PDE8B: variants seen among roughly 807,000 people sequenced by gnomAD.
PDE8B encodes phosphodiesterase 8B, also known as high affinity cAMP-specific and IBMX-insensitive 3',5'-cyclic phosphodiesterase 8B.
PDE8B carries 26 observed loss-of-function variants against 101.3 expected under a neutral mutation model. That is an observed-to-expected ratio of 0.26 (90% CI 0.19 to 0.36). PDE8B has a LOEUF of 0.36. Among genes scored for constraint, PDE8B ranks in the 10% least tolerant of loss-of-function variants. PDE8B has a pLI of 1.00. For synonymous variants in PDE8B, 424 were observed against 429.3 expected (o/e 0.99, Z 0.15); for missense variants, 810 against 1,163.1 (o/e 0.70, Z 4.42).
intron 10 of PDE8B, among the ~76,000 whole-genome samples, chr5:77,378,844 G>T (rs1434737375): frequency 6.6e-6 from 1 of 152,174 alleles, no homozygotes; most frequent in East Asian, 1.9e-4. Context: ...AGCCCTTCAG[G>T]TGATTTTGAT....
chr5:77,095,366 G>A, the PDE8B span, among the ~76,000 whole-genome samples: 3 of 152,156 alleles, frequency 2.0e-5, no homozygotes, highest in African/African-American at 7.2e-5. Flanking sequence ...CCATTGTTCC[G>A]ATTGTGCTTT....
the PDE8B span, among the ~76,000 whole-genome samples, chr5:77,174,337 C>G: frequency 6.6e-6 from 1 of 152,172 alleles, no homozygotes; most frequent in Non-Finnish European, 1.5e-5. Flanking sequence ...GTCACCCACT[C>G]ACATCCATGT....
intron 2 of PDE8B, among the ~76,000 whole-genome samples, chr5:77,320,629 C>T (rs1484984349): frequency 1.3e-5 from 2 of 152,024 alleles, no homozygotes; most frequent in Non-Finnish European, 2.9e-5. Context: ...TCTTTTTATT[C>T]CCAGTTCTTA....
chr5:77,295,734 C>G (rs183142), intron 1 of PDE8B, among the ~76,000 whole-genome samples: 120,947 of 152,134 alleles, frequency 0.8, 48,954 homozygotes, highest in African/African-American at 0.95. Flanking sequence ...GAGAAAAAAG[C>G]CAATTAATTG....
chr5:77,334,309 C>A (rs868384342), intron 5 of PDE8B, among the ~76,000 whole-genome samples: 1 of 152,166 alleles, frequency 6.6e-6, no homozygotes, highest in Non-Finnish European at 1.5e-5. Context: ...ATCACATATC[C>A]CACAACAACT....
the PDE8B span, among the ~76,000 whole-genome samples, chr5:77,127,607 T>A: frequency 6.6e-6 from 1 of 152,136 alleles, no homozygotes; most frequent in Non-Finnish European, 1.5e-5. Context: ...TTTCCCCACC[T>A]GCTTGAGCCA....
chr5:77,095,080 C>A, the PDE8B span, among the ~76,000 whole-genome samples: 9 of 152,234 alleles, frequency 5.9e-5, no homozygotes, highest in South Asian at 1.9e-3. Flanking sequence ...ATGAAACTCT[C>A]AAAAAATTGC....
At chr5:77,300,383 A>G (rs2150030522) in intron 1 of PDE8B, among the ~76,000 whole-genome samples, 1 of 152,182 alleles carries the variant, frequency 6.6e-6, no homozygotes, top group Middle Eastern at 3.4e-3. Context: ...TGCTTTGGGC[A>G]TTTTCTGTTT....
chr5:77,176,226 C>CA, the PDE8B span, among the ~76,000 whole-genome samples: 1,714 of 152,272 alleles, frequency 0.011, 32 homozygotes, highest in South Asian at 0.038. Context: ...AACAACTAGA[C>CA]ACGCAGCACC....
the PDE8B span, among the ~76,000 whole-genome samples, chr5:77,173,779 T>G: frequency 1.3e-5 from 2 of 151,990 alleles, no homozygotes; most frequent in African/African-American, 4.8e-5. Flanking sequence ...CTTCTAGCTC[T>G]AGAAAGTGTA....
chr5:77,305,441 C>T (rs1381469296), intron 1 of PDE8B, among the ~76,000 whole-genome samples: 1 of 152,078 alleles, frequency 6.6e-6, no homozygotes, highest in African/African-American at 2.4e-5. Flanking sequence ...GTGAGGGCAG[C>T]GCCAGCCAGC....
At chr5:77,207,510 T>C (rs2149357259), upstream of PDE8B, among the ~76,000 whole-genome samples, 1 of 152,322 alleles carries the variant, frequency 6.6e-6, no homozygotes, top group South Asian at 2.1e-4. Context: ...TATTTTCTGT[T>C]GCTAAATTTT....
rs560240568 is a variant in PDE8B, at chr5:77,280,195, C to T, written c.340-31799C>T. Among the ~76,000 whole-genome samples the T allele has an allele frequency of 6.6e-5, 10 of 152,248 alleles. No homozygotes were observed. The East Asian group carries it at 1.9e-3, about 29-fold the overall frequency. ...GATCATTCCCAAGGTCATGAGAGTG[C>T]AGGGGATTGGGTGCCAACCAGGACA... On this transcript the variant is annotated intron_variant, in intron 1 of 21. Coordinates refer to ENST00000264917, the MANE Select transcript of PDE8B (RefSeq NM_003719.5).
chr5:77,389,411 C>A (rs963990038), intron 10 of PDE8B, among the ~76,000 whole-genome samples: 2 of 152,186 alleles, frequency 1.3e-5, no homozygotes, highest in Non-Finnish European at 2.9e-5. Flanking sequence ...CACTGCCCAA[C>A]CAGTCCCAAT....
chr5:77,237,010 AC>A (rs1363348771), intron 1 of PDE8B, among the ~76,000 whole-genome samples: 1 of 152,116 alleles, frequency 6.6e-6, no homozygotes, highest in Non-Finnish European at 1.5e-5. Flanking sequence ...TGGTGAATTG[AC>A]TTTTTTATGA....
At chr5:77,253,671 G>A (rs1003539982) in intron 1 of PDE8B, among the ~76,000 whole-genome samples, 4 of 152,080 alleles carry the variant, frequency 2.6e-5, no homozygotes, top group African/African-American at 4.8e-5. Context: ...TTAATGGGAC[G>A]AAAGTTTTGG....
chr5:77,315,296 A>G (rs1028334954), intron 2 of PDE8B, among the ~76,000 whole-genome samples: 3 of 152,104 alleles, frequency 2.0e-5, no homozygotes, highest in African/African-American at 7.2e-5. Context: ...TTAATTTTAG[A>G]TCTGTAATCT....
chr5:77,211,259 G>T lies in PDE8B; in HGVS notation c.334G>T (p.Val112Leu). Residue 112 changes from valine to leucine, a missense_variant, in exon 1 of 22, where the codon GTG becomes TTG. Around this residue, in one of 4 missense-constraint regions of PDE8B, gnomAD observed 251 missense variants for 378.8 expected, o/e 0.66. Coordinates refer to ENST00000264917, the MANE Select transcript of PDE8B (RefSeq NM_003719.5). This position sits in a 1 kb window ranked among gnomAD's most constrained non-coding sequence, Gnocchi z 4.1. ...EAETQTCYTS[V>L]KQVSSAEVRI... Reference sequence around the variant, plus strand: ...CGAGACTCAGACCTGCTACACCAGCGTGAAGGTAAATGCCCCGCGCTGGCA... The same window carrying T: ...CGAGACTCAGACCTGCTACACCAGCTTGAAGGTAAATGCCCCGCGCTGGCA... 1 of 1,568,830 alleles carries T rather than the reference G, an allele frequency of 6.4e-7. No homozygotes were observed. The highest frequency in any genetic ancestry group is 1.2e-5 in the South Asian group (1 of 86,898).
chr5:77,410,459 C>T (rs765534174), intron 14 of PDE8B: 14 of 152,252 alleles, frequency 9.2e-5, no homozygotes, highest in Non-Finnish European at 1.8e-4. Context: ...TGGGGAGGTG[C>T]TTCTGCCCTG....
Sources: allele counts gnomAD v4.1 joint callset (sites outside exome capture counted in the v4.1 genomes callset), GRCh38; gene constraint gnomAD v4.1.1; regional missense constraint gnomAD v4.1.1; non-coding constraint Gnocchi (gnomAD v3.1); transcripts MANE v1.5; gene names NCBI Gene and HGNC (gene_info 2026-07-23, HGNC 2026-07-21).